Variants in FAR2 observed in about 807,000 individuals in gnomAD.
FAR2 encodes the protein fatty acyl-CoA reductase 2, also known as epididymis secretory protein Li 81.
FAR2 carries 19 observed loss-of-function variants against 56.0 expected under a neutral mutation model. The observed-to-expected ratio is 0.34, with a 90% CI of 0.24 to 0.50. The LOEUF (loss-of-function observed/expected upper bound fraction) is 0.50, where lower values mean the gene tolerates loss of function less well. FAR2 is among the 20% of genes least tolerant of loss of function. FAR2 has a pLI of 0.98. For synonymous variants in FAR2, 219 were observed against 218.8 expected (o/e 1.00, Z -0.01); for missense variants, 508 against 642.2 (o/e 0.79, Z 2.26).
At chr12:29,185,349 G>T (rs181801841) in intron 1 of FAR2, among the ~76,000 whole-genome samples, 110 of 152,238 alleles carry the variant, frequency 7.2e-4, no homozygotes, top group South Asian at 5.0e-3. Context: ...TTGTTCATTT[G>T]TTATGAGAGA....
chr12:29,151,781 T>A (rs1429080124), intron 1 of FAR2: 2 of 152,342 alleles, frequency 1.3e-5, no homozygotes, highest in East Asian at 1.9e-4. Flanking sequence ...AGTTTCCTCA[T>A]TGACAAAATA....
chr12:29,260,835 C>T (rs911333642), intron 1 of FAR2, among the ~76,000 whole-genome samples: 1 of 152,200 alleles, frequency 6.6e-6, no homozygotes, highest in Non-Finnish European at 1.5e-5. Context: ...GAGTCTCTGC[C>T]TGGTAATCCA....
At chr12:29,169,856 A>G (rs1949868644) in intron 1 of FAR2, among the ~76,000 whole-genome samples, 1 of 152,264 alleles carries the variant, frequency 6.6e-6, no homozygotes, top group Non-Finnish European at 1.5e-5. Flanking sequence ...AGCCATTCCT[A>G]ACCGTATAAG....
intron 1 of FAR2, among the ~76,000 whole-genome samples, chr12:29,262,133 A>G (rs1948429634): frequency 6.6e-6 from 1 of 152,232 alleles, no homozygotes; most frequent in Non-Finnish European, 1.5e-5. Flanking sequence ...ATACAATAAT[A>G]CATAAAAAGA....
chr12:29,224,059 T>C (rs184864901), intron 1 of FAR2, among the ~76,000 whole-genome samples: 1 of 152,288 alleles, frequency 6.6e-6, no homozygotes, highest in East Asian at 1.9e-4. Context: ...TCCTAAGAAA[T>C]CGATGACTAA....
At chr12:29,230,393 C>T (rs910117111) in intron 1 of FAR2, among the ~76,000 whole-genome samples, 3 of 151,776 alleles carry the variant, frequency 2.0e-5, no homozygotes, top group Non-Finnish European at 4.4e-5. Context: ...TGGGAACAGA[C>T]AGCACTGTGT....
intron 1 of FAR2, among the ~76,000 whole-genome samples, chr12:29,251,537 T>C (rs1948210660): frequency 6.6e-6 from 1 of 152,164 alleles, no homozygotes; most frequent in Non-Finnish European, 1.5e-5. Flanking sequence ...TGTCTCACAG[T>C]AGACCCAGTG....
At chr12:29,218,603 A>G (rs1367424659) in intron 1 of FAR2, among the ~76,000 whole-genome samples, 1 of 152,186 alleles carries the variant, frequency 6.6e-6, no homozygotes, top group Non-Finnish European at 1.5e-5. Context: ...GAAAAGAATC[A>G]CTAAGAGTTT....
At chr12:29,261,507 A>G (rs1419245814) in intron 1 of FAR2, among the ~76,000 whole-genome samples, 2 of 152,222 alleles carry the variant, frequency 1.3e-5, no homozygotes, top group Non-Finnish European at 2.9e-5. Flanking sequence ...AGTTTACTCA[A>G]AGGGATAATA....
chr12:29,314,666 G>GAGCAGAATACTCTGCACTGATCTCT lies in FAR2; in HGVS notation c.956-2162_956-2138dup, dbSNP rs1591961821. ...TAGAGGCTTCTTTTGTCTTCCTCCA[G>GAGCAGAATACTCTGCACTGATCTCT]AGCAGAATACTCTGCACTGATCTCT... On this transcript the variant is annotated intron_variant, in intron 8 of 11. Transcript: ENST00000536681. Among the ~76,000 whole-genome samples, 8 of 151,996 alleles carry GAGCAGAATACTCTGCACTGATCTCT rather than the reference G, an allele frequency of 5.3e-5. 1 individual carries two copies. In the East Asian group the frequency reaches 1.6e-3, roughly 29 times the overall value.
At chr12:29,190,759 G>A (rs7969731) in intron 1 of FAR2, among the ~76,000 whole-genome samples, 71,904 of 151,742 alleles carry the variant, frequency 0.47, 18,281 homozygotes, top group Admixed American at 0.61. Flanking sequence ...CACCGCGCCC[G>A]GCCAAAATTC....
At chr12:29,279,948 G>C (rs1948761568) in intron 2 of FAR2, among the ~76,000 whole-genome samples, 1 of 142,460 alleles carries the variant, frequency 7.0e-6, no homozygotes, top group African/African-American at 2.6e-5. Context: ...TTTTTGAGAT[G>C]AAGTCTAGCT....
chr12:29,291,860 T>C (rs557986339), intron 2 of FAR2, among the ~76,000 whole-genome samples: 5 of 152,350 alleles, frequency 3.3e-5, no homozygotes, highest in Admixed American at 6.5e-5. Flanking sequence ...TGTAGTAAAA[T>C]GGAATCCTCA....
At chr12:29,243,399 T>A (rs1459471277) in intron 1 of FAR2, among the ~76,000 whole-genome samples, 18 of 152,230 alleles carry the variant, frequency 1.2e-4, no homozygotes, top group Admixed American at 1.2e-3. Context: ...CTGGGCAAGT[T>A]GCTACCGGTT....
At chr12:29,191,434 T>C (rs1950102156) in intron 1 of FAR2, among the ~76,000 whole-genome samples, 1 of 152,224 alleles carries the variant, frequency 6.6e-6, no homozygotes, top group Non-Finnish European at 1.5e-5. Context: ...AATCGCAAGA[T>C]TATGTGTGGC....
At chr12:29,195,319 T>A (rs1950136044) in intron 1 of FAR2, among the ~76,000 whole-genome samples, 1 of 152,210 alleles carries the variant, frequency 6.6e-6, no homozygotes, top group Admixed American at 6.5e-5. Context: ...CTACAATTAC[T>A]TTCAGTATTT....
chr12:29,178,066 C>G (rs1259431174), intron 1 of FAR2, among the ~76,000 whole-genome samples: 2 of 152,072 alleles, frequency 1.3e-5, no homozygotes, highest in Non-Finnish European at 2.9e-5. Flanking sequence ...GACACACACT[C>G]CTGGTCTGCT....
chr12:29,235,283 C>T (rs187111191), intron 1 of FAR2, among the ~76,000 whole-genome samples: 37 of 152,120 alleles, frequency 2.4e-4, no homozygotes, highest in Non-Finnish European at 5.1e-4. Context: ...AAAATAAAGA[C>T]CCTGTTTCTA....
chr12:29,270,361 A>G (rs1441557289), intron 1 of FAR2, 51 bp from the exon 2 acceptor site: 1 of 1,344,486 alleles, frequency 7.4e-7, no homozygotes, highest in African/African-American at 1.5e-5. Context: ...GTGACTTTGA[A>G]TATGAGAACT....
Sources: allele counts gnomAD v4.1 joint callset (sites outside exome capture counted in the v4.1 genomes callset), GRCh38; gene constraint gnomAD v4.1.1; transcripts MANE v1.5; gene names NCBI Gene and HGNC (gene_info 2026-07-23, HGNC 2026-07-21).